The following LRRC49 variants were observed in gnomAD, a reference collection of about 807,000 sequenced individuals.
LRRC49 encodes leucine-rich repeat-containing protein 49.
In LRRC49, 50 loss-of-function variants were observed where a neutral mutation model predicts 83.3. That is an observed-to-expected ratio of 0.60 (90% CI 0.48 to 0.76). The LOEUF is 0.76. LRRC49 is among the 30% of genes least tolerant of loss of function. LRRC49 has a pLI of 0.00. For missense variants in LRRC49, 704 were observed against 809.1 expected (o/e 0.87, Z 1.58); for synonymous variants, 286 against 283.3 (o/e 1.01, Z -0.10).
At chr15:70,909,208 A>G (rs532856317) in intron 5 of LRRC49, among the ~76,000 whole-genome samples, 2 of 152,318 alleles carry the variant, frequency 1.3e-5, no homozygotes, top group Non-Finnish European at 2.9e-5. Flanking sequence ...TAAAAATATG[A>G]TTCTCAGACA....
At position 71,007,720 on chromosome 15, in the gene LRRC49, TA is replaced by T. The variant is rs1205588006; in HGVS notation, c.1170-658del. 3.4e-5 allele frequency among the ~76,000 whole-genome samples: 4 copies of T among 119,180 alleles called. No individual in the cohort carries two copies. The Admixed American group carries it at 4.2e-4, about 13-fold the overall frequency. The allele number at this position is 119,180 out of a possible 152,430, so 78.2% of individuals were successfully genotyped here. On this transcript the variant is annotated intron_variant, in intron 11 of 15. Coordinates refer to ENST00000260382, the MANE Select transcript of LRRC49 (RefSeq NM_017691.5). ...AGTATGAGAAGCATGTATATATATA[TA>T]TATATATATATATATATATAGTGTG...
chr15:70,934,811 C>T (rs1291649710), intron 7 of LRRC49, among the ~76,000 whole-genome samples: 1 of 152,128 alleles, frequency 6.6e-6, no homozygotes. Flanking sequence ...TCAGTTTCTC[C>T]AGGTTGAGTG....
At chr15:70,872,879 A>G (rs1045387380) in intron 1 of LRRC49, 5 of 236,158 alleles carry the variant, frequency 2.1e-5, no homozygotes, top group African/African-American at 6.6e-5. Context: ...TAAACTTGAC[A>G]TAACTTTTTT....
At chr15:70,874,484 T>TG (rs2141079002) in intron 2 of LRRC49, among the ~76,000 whole-genome samples, 1 of 152,270 alleles carries the variant, frequency 6.6e-6, no homozygotes, top group African/African-American at 2.4e-5. Context: ...GGAGACAAGT[T>TG]GGGGAACATT....
At chr15:71,001,867 A>G (rs1036179727) in intron 11 of LRRC49, among the ~76,000 whole-genome samples, 1 of 151,868 alleles carries the variant, frequency 6.6e-6, no homozygotes, top group Non-Finnish European at 1.5e-5. Flanking sequence ...AATTTTTTGT[A>G]TTTTTAGTAG....
At chr15:71,012,546 G>A (rs990019450) in intron 13 of LRRC49, among the ~76,000 whole-genome samples, 5 of 151,516 alleles carry the variant, frequency 3.3e-5, no homozygotes, top group Non-Finnish European at 5.9e-5. Context: ...GTAATTCTCA[G>A]GAAAGACAGC....
At chr15:71,002,733 T>G (rs956450528) in intron 11 of LRRC49, among the ~76,000 whole-genome samples, 1 of 152,072 alleles carries the variant, frequency 6.6e-6, no homozygotes, top group Non-Finnish European at 1.5e-5. Flanking sequence ...TCCGAAATAT[T>G]TTAAGTCTTT....
intron 11 of LRRC49, among the ~76,000 whole-genome samples, chr15:70,987,092 T>G (rs1460158076): frequency 6.6e-6 from 1 of 152,238 alleles, no homozygotes; most frequent in Non-Finnish European, 1.5e-5. Context: ...TGGTCTAAAA[T>G]TCTCTTTTTT....
chr15:70,973,201 A>G (rs2037077488), intron 9 of LRRC49, among the ~76,000 whole-genome samples: 1 of 151,892 alleles, frequency 6.6e-6, no homozygotes. Flanking sequence ...TGTTGATGCT[A>G]TTGCTTTCTG....
chr15:70,936,046 T>C (rs1012805057), intron 7 of LRRC49, among the ~76,000 whole-genome samples: 1 of 152,188 alleles, frequency 6.6e-6, no homozygotes, highest in Non-Finnish European at 1.5e-5. Context: ...TTTTGTTGTT[T>C]TTTTTTAAAT....
intron 9 of LRRC49, among the ~76,000 whole-genome samples, chr15:70,965,634 A>G (rs993549579): frequency 6.6e-6 from 1 of 152,018 alleles, no homozygotes; most frequent in Non-Finnish European, 1.5e-5. Context: ...CATTAATATC[A>G]TAGCAGTGAT....
At chr15:70,911,308 T>G (rs2034540075) in intron 5 of LRRC49, among the ~76,000 whole-genome samples, 1 of 152,222 alleles carries the variant, frequency 6.6e-6, no homozygotes, top group South Asian at 2.1e-4. Context: ...AGGATTGCTC[T>G]TTTCTAATGA....
At chr15:70,902,293 A>T (rs934262051) in intron 4 of LRRC49, among the ~76,000 whole-genome samples, 1 of 152,180 alleles carries the variant, frequency 6.6e-6, no homozygotes, top group Admixed American at 6.5e-5. Flanking sequence ...AGACTGTGAC[A>T]TAACAAGTTA....
At chr15:70,989,402 T>C (rs1274471620) in intron 11 of LRRC49, among the ~76,000 whole-genome samples, 1 of 152,192 alleles carries the variant, frequency 6.6e-6, no homozygotes, top group African/African-American at 2.4e-5. Context: ...ATCACTGATA[T>C]CCTTTCTTCC....
At chr15:70,869,369 T>C (rs1247615764) in intron 1 of LRRC49, among the ~76,000 whole-genome samples, 2 of 152,206 alleles carry the variant, frequency 1.3e-5, no homozygotes, top group Non-Finnish European at 2.9e-5. Context: ...TCCCCTCTTC[T>C]GGAAGGAGCT....
chr15:70,882,071 A>G (rs1406187213), intron 2 of LRRC49: 1 of 170,128 alleles, frequency 5.9e-6, no homozygotes, highest in African/African-American at 2.4e-5. Flanking sequence ...CTTTCAAATT[A>G]TTTAGAAGAG....
rs191327460 is a variant in LRRC49, at chr15:71,037,102, T to C, written c.1704-77T>C. On this transcript the variant is annotated intron_variant, in intron 14 of 15. Coordinates refer to ENST00000260382, the MANE Select transcript of LRRC49 (RefSeq NM_017691.5). The stretch of plus-strand genomic sequence containing the variant: ...ATTCAAAAAAGTATATGTTCTCCTC[T>C]AAAGTCAACAAAAAATAGACATGTT... The C allele has an allele frequency of 3.7e-5, 38 of 1,037,672 alleles. No homozygotes were observed. In the Middle Eastern group the frequency reaches 1.2e-3, roughly 33 times the overall value. 64.3% of individuals were successfully genotyped at this position (1,037,672 alleles called of 1,614,324 possible). A position where few individuals can be genotyped will look rare whatever the true frequency, so the allele number is the denominator to read the frequency against.
Position 70,916,893 on chromosome 15 carries a change from A to G in LRRC49, c.568-2157A>G, listed in dbSNP as rs369112186. On this transcript the variant is annotated intron_variant, in intron 6 of 15. Transcript: ENST00000260382. The stretch of plus-strand genomic sequence containing the variant: ...CCAAACTGCAGCTGTGGACCCAGGC[A>G]TCTCTGCACTCTTGGGGACGCAGAA... 3.2e-4 allele frequency among the ~76,000 whole-genome samples: 49 copies of G among 152,264 alleles called. 1 individual carries two copies. The highest frequency in any genetic ancestry group is 1.1e-3 in the African/African-American group (47 of 41,570).
At chr15:71,020,231 A>T (rs1423401033) in intron 14 of LRRC49, among the ~76,000 whole-genome samples, 2 of 152,184 alleles carry the variant, frequency 1.3e-5, no homozygotes, top group Non-Finnish European at 2.9e-5. Context: ...TTGAAAAGAG[A>T]TCCATAAACT....
Sources: gnomAD v4.1 joint callset for allele counts (sites outside exome capture counted in the v4.1 genomes callset) on GRCh38, gnomAD v4.1.1 for gene constraint, MANE v1.5 for transcripts, NCBI Gene and HGNC (gene_info 2026-07-23, HGNC 2026-07-21) for gene names.